EPAS1: variants seen among roughly 807,000 people sequenced by gnomAD.
EPAS1 encodes endothelial PAS domain-containing protein 1.
EPAS1 carries 23 observed loss-of-function variants against 87.9 expected under a neutral mutation model. The ratio of observed to expected loss-of-function variants is 0.26; its 90% CI spans 0.19 to 0.37. EPAS1 has a LOEUF of 0.37. Ranked by LOEUF, EPAS1 falls within the 10% of genes least tolerant of loss-of-function variation. The pLI is 1.00. For synonymous variants in EPAS1, 508 were observed against 444.3 expected, an observed-to-expected ratio of 1.14 and a Z score of -1.80; for missense variants, 1,138 against 1,120.7, an observed-to-expected ratio of 1.02 and a Z score of -0.22.
intron 1 of EPAS1, among the ~76,000 whole-genome samples, chr2:46,325,541 G>C (rs1683546746): frequency 6.6e-6 from 1 of 152,114 alleles, no homozygotes; most frequent in African/African-American, 2.4e-5. Context: ...GAGAATCCAG[G>C]CGGGATAAGA....
In EPAS1 at chr2:46,384,932, A is replaced by C; in HGVS notation, c.*272A>C. 2.1e-6 allele frequency: 1 copy of C among 484,644 alleles called. No homozygotes were observed. Among genetic ancestry groups the C allele is most frequent in the African/African-American group, 1.9e-5 (1 of 51,288 alleles). 30.0% of individuals were successfully genotyped at this position (484,644 alleles called of 1,614,324 possible). ...TTCCTCCCCACCTTCAATGACTTCT[A>C]ATTTATATTATCCATAGGTTTCTCT... On this transcript the variant is annotated 3_prime_UTR_variant, in exon 16 of 16. Transcript: ENST00000263734.
intron 1 of EPAS1, among the ~76,000 whole-genome samples, chr2:46,311,152 C>T (rs543293410): frequency 6.6e-6 from 1 of 152,352 alleles, no homozygotes; most frequent in Admixed American, 6.5e-5. Flanking sequence ...GCTGAGATTA[C>T]AGGCGTGAGC....
In EPAS1 at chr2:46,384,738, A is replaced by T; in HGVS notation, c.*78A>T. ...ACTCTCTCCGTCTGTTTTTGCAACTAGGTATTTCTAACGCCAGCACACTAT... is the reference window on the plus strand; with the variant it reads ...ACTCTCTCCGTCTGTTTTTGCAACTTGGTATTTCTAACGCCAGCACACTAT... On this transcript the variant is annotated 3_prime_UTR_variant, in exon 16 of 16. Coordinates refer to ENST00000263734, the MANE Select transcript of EPAS1 (RefSeq NM_001430.5). 2 of 1,552,996 alleles carry T rather than the reference A, an allele frequency of 1.3e-6. No individual in the cohort carries two copies. Among genetic ancestry groups the T allele is most frequent in the Non-Finnish European group, 1.7e-6 (2 of 1,148,408 alleles).
chr2:46,334,914 C>T (rs113072063), intron 1 of EPAS1, among the ~76,000 whole-genome samples: 131 of 152,312 alleles, frequency 8.6e-4, no homozygotes, highest in Non-Finnish European at 1.5e-3. Flanking sequence ...TGGGGGAAAG[C>T]AAGTGTTCGC....
At chr2:46,322,672 A>C (rs906099590) in intron 1 of EPAS1, among the ~76,000 whole-genome samples, 1 of 152,236 alleles carries the variant, frequency 6.6e-6, no homozygotes, top group African/African-American at 2.4e-5. Flanking sequence ...GCTGAGATGT[A>C]GAGAGGCCAA....
chr2:46,362,590 G>C (rs926738629), intron 6 of EPAS1, among the ~76,000 whole-genome samples: 3 of 152,100 alleles, frequency 2.0e-5, no homozygotes, highest in African/African-American at 7.2e-5. Flanking sequence ...CCTCCCCTAG[G>C]CCTACCCACT....
chr2:46,378,154 G>A, intron 10 of EPAS1, 67 bp downstream of exon 10: 5 of 1,538,622 alleles, frequency 3.2e-6, no homozygotes, highest in Non-Finnish European at 8.7e-7. Context: ...CCAGATGGCT[G>A]AAGGGACATT....
chr2:46,356,093 G>C, intron 2 of EPAS1, 58 bp from the exon 3 acceptor site: 1 of 1,547,196 alleles, frequency 6.5e-7, no homozygotes, highest in Non-Finnish European at 8.9e-7. Flanking sequence ...ATCTGTGCCA[G>C]TCCCATCTGT....
chr2:46,297,722 A>G lies in EPAS1; in HGVS notation c.-190A>G. On this transcript the variant is annotated 5_prime_UTR_variant, in exon 1 of 16. Transcript: ENST00000263734. ...AGGTTCCTCCCAGTCACCTTTCTCC[A>G]CCCCCGCCCCCGCACCTAGCCCGCC... is the stretch of plus-strand genomic sequence containing the variant. 1.6e-6 allele frequency: 1 copy of G among 637,282 alleles called. No individual in the cohort carries two copies. Among genetic ancestry groups the G allele is most frequent in the South Asian group, 2.0e-5 (1 of 50,700 alleles). 39.5% of individuals were successfully genotyped at this position (637,282 alleles called of 1,614,324 possible). A position where few individuals can be genotyped will look rare whatever the true frequency, so the allele number is the denominator to read the frequency against.
chr2:46,317,512 G>C (rs772881602), intron 1 of EPAS1, among the ~76,000 whole-genome samples: 16 of 152,158 alleles, frequency 1.1e-4, no homozygotes, highest in African/African-American at 3.1e-4. Context: ...AGGTTTTGTT[G>C]TTCCACTGAT....
intron 1 of EPAS1, among the ~76,000 whole-genome samples, chr2:46,338,518 A>G (rs1683844422): frequency 6.6e-6 from 1 of 152,208 alleles, no homozygotes; most frequent in African/African-American, 2.4e-5. Context: ...TGAAGACAGC[A>G]CCGAGTCTTC....
At chr2:46,363,479 T>G (rs1313397141) in intron 6 of EPAS1, among the ~76,000 whole-genome samples, 1 of 152,242 alleles carries the variant, frequency 6.6e-6, no homozygotes. Flanking sequence ...TAATTCAGCC[T>G]TATCCTTTAT....
intron 1 of EPAS1, among the ~76,000 whole-genome samples, chr2:46,329,370 T>C (rs558954351): frequency 3.3e-5 from 5 of 152,150 alleles, no homozygotes; most frequent in African/African-American, 1.2e-4. Context: ...ATCCTATTTA[T>C]GGTAAGGGGA....
chr2:46,339,650 T>C (rs957870958), intron 1 of EPAS1, among the ~76,000 whole-genome samples: 1 of 152,246 alleles, frequency 6.6e-6, no homozygotes, highest in African/African-American at 2.4e-5. Flanking sequence ...CACTAATATG[T>C]AGAATAAAGA....
In EPAS1 at chr2:46,384,222, G is replaced by A. The variant is rs961185579; in HGVS notation, c.2462-287G>A. 2.6e-5 allele frequency among the ~76,000 whole-genome samples: 4 copies of A among 152,214 alleles called. No homozygotes were observed. In the East Asian group the frequency reaches 5.8e-4, roughly 22 times the overall value. The stretch of plus-strand genomic sequence containing the variant: ...CAGCCTTTCCTCCCTGCTGCCAGGA[G>A]GCATGGGGGTCAGCAACCCCAGGCT... On this transcript the variant is annotated intron_variant, in intron 15 of 15. Coordinates refer to ENST00000263734, the MANE Select transcript of EPAS1 (RefSeq NM_001430.5).
chr2:46,343,200 G>A (rs1683946538), intron 1 of EPAS1, among the ~76,000 whole-genome samples: 1 of 152,000 alleles, frequency 6.6e-6, no homozygotes, highest in Non-Finnish European at 1.5e-5. Context: ...TTCTTCCCCC[G>A]CCGACCCCAT....
chr2:46,332,224 C>T (rs975511594), intron 1 of EPAS1, among the ~76,000 whole-genome samples: 10 of 149,240 alleles, frequency 6.7e-5, no homozygotes, highest in Non-Finnish European at 1.3e-4. Context: ...CCAGGAGTTT[C>T]AGTTCCCTGT....
intron 2 of EPAS1, 78 bp from the exon 3 acceptor site, chr2:46,356,073 G>A (rs1684263211): frequency 2.0e-6 from 3 of 1,490,858 alleles, no homozygotes; most frequent in Non-Finnish European, 2.8e-6. Flanking sequence ...ACCATCCCTG[G>A]CAAATGCCTA....
intron 6 of EPAS1, among the ~76,000 whole-genome samples, chr2:46,366,172 G>A (rs756374485): frequency 6.6e-6 from 1 of 152,266 alleles, no homozygotes; most frequent in Non-Finnish European, 1.5e-5. Flanking sequence ...CGGGGAAGAA[G>A]AGCGAGCCTT....
Sources: gnomAD v4.1 joint callset for allele counts (sites outside exome capture counted in the v4.1 genomes callset) on GRCh38, gnomAD v4.1.1 for gene constraint, MANE v1.5 for transcripts, NCBI Gene and HGNC (gene_info 2026-07-23, HGNC 2026-07-21) for gene names.